The following FHIT variants were observed in gnomAD, a reference collection of about 807,000 sequenced individuals.
FHIT encodes fragile histidine triad diadenosine triphosphatase, also known as bis(5'-adenosyl)-triphosphatase.
FHIT carries 19 observed loss-of-function variants against 17.9 expected under a neutral mutation model. The observed-to-expected ratio is 1.06, with a 90% confidence interval of 0.74 to 1.56. The LOEUF is 1.56. FHIT is among the 40% of genes most tolerant of loss of function. The pLI, the probability that FHIT is intolerant of heterozygous loss-of-function variation, is 0.00. For missense variants in FHIT, 248 were observed against 189.2 expected (o/e 1.31, Z -1.82); for synonymous variants, 81 against 69.7 (o/e 1.16, Z -0.81).
chr3:60,259,695 T>G (rs1706195444), intron 5 of FHIT, among the ~76,000 whole-genome samples: 1 of 152,120 alleles, frequency 6.6e-6, no homozygotes, highest in South Asian at 2.1e-4. Context: ...TTAATTAACT[T>G]GCCCAGGGAC....
At chr3:60,029,901 G>GTGTGTGTCTC (rs1553655756) in intron 5 of FHIT, among the ~76,000 whole-genome samples, 1 of 143,052 alleles carries the variant, frequency 7.0e-6, no homozygotes, top group Non-Finnish European at 1.5e-5. Context: ...GTGTGTCTGT[G>GTGTGTGTCTC]TGTGTGTGTG....
At chr3:59,870,200 C>T (rs1224704646) in intron 8 of FHIT, among the ~76,000 whole-genome samples, 5 of 152,138 alleles carry the variant, frequency 3.3e-5, no homozygotes, top group South Asian at 2.1e-4. Context: ...CATCAGGCAC[C>T]GAGTCTCTCC....
At chr3:60,397,573 T>C (rs755955572) in intron 5 of FHIT, among the ~76,000 whole-genome samples, 42 of 152,194 alleles carry the variant, frequency 2.8e-4, no homozygotes, top group Admixed American at 1.1e-3. Context: ...GCTGAGTTCT[T>C]CAGCCAGTTA....
intron 4 of FHIT, among the ~76,000 whole-genome samples, chr3:60,624,622 T>G (rs991454660): frequency 6.6e-6 from 1 of 152,172 alleles, no homozygotes; most frequent in Non-Finnish European, 1.5e-5. Context: ...AAAGGCAGAA[T>G]AAAAACTTGG....
chr3:61,214,780 C>T (rs1421043608), intron 1 of FHIT, among the ~76,000 whole-genome samples: 1 of 152,194 alleles, frequency 6.6e-6, no homozygotes, highest in Non-Finnish European at 1.5e-5. Context: ...CAAACCGAAT[C>T]CAGCAGCACA....
chr3:60,989,567 G>A (rs1034894790), intron 3 of FHIT, among the ~76,000 whole-genome samples: 7 of 152,152 alleles, frequency 4.6e-5, no homozygotes, highest in African/African-American at 1.7e-4. Context: ...TATCAACGTT[G>A]TCAACTGAAG....
intron 5 of FHIT, among the ~76,000 whole-genome samples, chr3:60,276,570 A>G (rs995885691): frequency 6.6e-6 from 1 of 152,162 alleles, no homozygotes; most frequent in African/African-American, 2.4e-5. Context: ...TCATAAAAAT[A>G]TTTTTTAAAC....
At chr3:60,034,530 A>C (rs1701134028) in intron 5 of FHIT, among the ~76,000 whole-genome samples, 1 of 152,224 alleles carries the variant, frequency 6.6e-6, no homozygotes, top group Admixed American at 6.5e-5. Context: ...CATTTGACCA[A>C]GAAATGTCCG....
chr3:60,445,699 C>G (rs778025344), intron 5 of FHIT, among the ~76,000 whole-genome samples: 30 of 151,838 alleles, frequency 2.0e-4, no homozygotes, highest in Non-Finnish European at 2.1e-4. Context: ...TATTTTTCCC[C>G]CTGTAGACAC....
At chr3:59,844,476 T>C (rs184457660) in intron 8 of FHIT, among the ~76,000 whole-genome samples, 4 of 152,062 alleles carry the variant, frequency 2.6e-5, no homozygotes, top group African/African-American at 9.6e-5. Context: ...TTACTTTTCC[T>C]AGTTTGTTGA....
rs74827022 is a variant in FHIT, at chr3:59,918,217, GT to G, written c.348+4128del. On this transcript the variant is annotated intron_variant, in intron 8 of 9. Coordinates refer to ENST00000492590, the MANE Select transcript of FHIT (RefSeq NM_002012.4). ...TCAGGTTCTTCTAGTTCAACACCTT[GT>G]TTTTTTTTAAATGTGTTCATTCATT... 0.029 allele frequency among the ~76,000 whole-genome samples: 4,396 copies of G among 151,472 alleles called. 347 individuals carry two copies. In the East Asian group the frequency reaches 0.33, roughly 12 times the overall value.
At chr3:60,461,197 T>C (rs758831433) in intron 5 of FHIT, among the ~76,000 whole-genome samples, 9 of 152,184 alleles carry the variant, frequency 5.9e-5, no homozygotes, top group Non-Finnish European at 1.0e-4. Context: ...ATCAAGTTAT[T>C]AAATATGTTA....
At chr3:60,849,321 A>G (rs1241623412) in intron 3 of FHIT, among the ~76,000 whole-genome samples, 1 of 151,752 alleles carries the variant, frequency 6.6e-6, no homozygotes, top group African/African-American at 2.4e-5. Context: ...TGATTATACC[A>G]TTTAGGATTG....
chr3:60,832,887 C>T (rs1481892695), intron 3 of FHIT, among the ~76,000 whole-genome samples: 1 of 152,126 alleles, frequency 6.6e-6, no homozygotes, highest in African/African-American at 2.4e-5. Context: ...TCAGAGTGTA[C>T]TTTACATTTA....
chr3:60,654,704 A>C (rs2107812940), intron 4 of FHIT, among the ~76,000 whole-genome samples: 1 of 152,364 alleles, frequency 6.6e-6, no homozygotes, highest in African/African-American at 2.4e-5. Context: ...GTCTTTGAGT[A>C]TCACAGGAAT....
chr3:60,513,965 G>A (rs2035045645), intron 5 of FHIT, among the ~76,000 whole-genome samples: 1 of 152,188 alleles, frequency 6.6e-6, no homozygotes, highest in South Asian at 2.1e-4. Flanking sequence ...AGGACAAGAG[G>A]CAGCTGGACA....
intron 5 of FHIT, among the ~76,000 whole-genome samples, chr3:60,025,734 G>GA (rs71627518): frequency 0.1 from 12,201 of 119,512 alleles, 522 homozygotes; most frequent in Middle Eastern, 0.17. Flanking sequence ...AATTCTACCA[G>GA]AAAAAAAAAA....
At chr3:61,127,909 G>A (rs566771556) in intron 2 of FHIT, among the ~76,000 whole-genome samples, 33 of 151,414 alleles carry the variant, frequency 2.2e-4, no homozygotes, top group African/African-American at 7.5e-4. Context: ...TTCCTACTTT[G>A]CTCTACACAT....
chr3:61,216,937 T>A, intron 1 of FHIT, among the ~76,000 whole-genome samples: 3 of 139,744 alleles, frequency 2.1e-5, no homozygotes, highest in African/African-American at 2.7e-5. Context: ...AGGTGGGAAT[T>A]GAGCAATGAG....
Sources: allele counts gnomAD v4.1 joint callset (sites outside exome capture counted in the v4.1 genomes callset), GRCh38; gene constraint gnomAD v4.1.1; transcripts MANE v1.5; gene names NCBI Gene and HGNC (gene_info 2026-07-23, HGNC 2026-07-21).